SDC3: variants seen among roughly 807,000 people sequenced by gnomAD.
SDC3 encodes the protein syndecan-3.
Under a neutral mutation model 24.4 loss-of-function variants are expected in SDC3, and 13 were observed. The observed-to-expected ratio is 0.53, with a 90% CI of 0.35 to 0.85. The LOEUF is 0.85. Among genes scored for constraint, SDC3 ranks in the 40% least tolerant of loss-of-function variants. SDC3 has a pLI of 0.01. For missense variants in SDC3, 571 were observed against 584.5 expected (o/e 0.98, Z 0.24); for synonymous variants, 295 against 260.9 (o/e 1.13, Z -1.26).
At chr1:30,896,944 CAGAGTA>C (rs1638276392) in intron 1 of SDC3, among the ~76,000 whole-genome samples, 1 of 152,120 alleles carries the variant, frequency 6.6e-6, no homozygotes, top group Non-Finnish European at 1.5e-5. Flanking sequence ...ATCTGGGCAA[CAGAGTA>C]AAAGTCCATG....
At chr1:30,887,041 C>T (rs906827090) in intron 1 of SDC3, among the ~76,000 whole-genome samples, 1 of 152,160 alleles carries the variant, frequency 6.6e-6, no homozygotes, top group African/African-American at 2.4e-5. Context: ...AGAAGGCTCT[C>T]AAAAGCAGGG....
In SDC3 at chr1:30,873,340, A is replaced by C; in HGVS notation, c.1200T>G (p.Ala400=). 1 of 1,613,848 alleles carries C rather than the reference A, an allele frequency of 6.2e-7. No homozygotes were observed. The highest frequency in any genetic ancestry group is 1.1e-5 in the South Asian group (1 of 91,068). The change falls in exon 5 of 5, where the codon GCT becomes GCG. Residue 400 remains alanine, a synonymous_variant. Transcript: ENST00000339394. ...AGATGAGCAGTGTGACCAAGAAGGC[A>C]GCAAAGAGGGCGCCCACCACCCCGC... ...IVGGVVGALF[A]AFLVTLLIYR...
At chr1:30,874,074 A>G (rs1303010690) in intron 4 of SDC3, among the ~76,000 whole-genome samples, 1 of 152,172 alleles carries the variant, frequency 6.6e-6, no homozygotes. Flanking sequence ...GAAGACCTAG[A>G]GATGGACATG....
intron 1 of SDC3, among the ~76,000 whole-genome samples, chr1:30,889,089 C>T (rs979356929): frequency 7.2e-5 from 11 of 152,346 alleles, no homozygotes; most frequent in African/African-American, 2.6e-4. Flanking sequence ...TGATGCTCGA[C>T]TATGTGGCTC....
At chr1:30,894,898 T>G (rs1467781759) in intron 1 of SDC3, among the ~76,000 whole-genome samples, 2 of 151,888 alleles carry the variant, frequency 1.3e-5, no homozygotes, top group East Asian at 1.9e-4. Flanking sequence ...CATGTTAGCG[T>G]GGAGGGCTGT....
intron 1 of SDC3, among the ~76,000 whole-genome samples, chr1:30,892,712 G>A (rs1639924841): frequency 6.6e-6 from 1 of 152,202 alleles, no homozygotes. Context: ...TGTGAGCAGA[G>A]CAGTGTGCTG....
chr1:30,908,385 C>A (rs1485072566), intron 1 of SDC3, 64 bp downstream of exon 1: 18 of 949,646 alleles, frequency 1.9e-5, no homozygotes, highest in East Asian at 2.4e-4. Context: ...GGGCGGGGAC[C>A]GGCACCCCGC....
rs1557509220 is a variant in SDC3, at chr1:30,869,551, A to AC, written c.*3659_*3660insG. The AC allele has an allele frequency of 2.9e-4, 113 of 392,480 alleles. No homozygotes were observed. The highest frequency in any genetic ancestry group is 2.0e-3 in the African/African-American group (94 of 46,916). 24.3% of individuals were successfully genotyped at this position (392,480 alleles called of 1,614,324 possible). On this transcript the variant is annotated 3_prime_UTR_variant, in exon 5 of 5. Transcript: ENST00000339394. ...AACAAACAAACAAAAAAAAAAAAAA[A>AC]AAAAAAAAAACAAAAACAAAACCAG...
At chr1:30,900,438 G>A (rs1638390093) in intron 1 of SDC3, among the ~76,000 whole-genome samples, 1 of 152,232 alleles carries the variant, frequency 6.6e-6, no homozygotes, top group African/African-American at 2.4e-5. Context: ...TCCAGGCCTT[G>A]AGGAGGGGGC....
chr1:30,896,298 G>A (rs1639997608), intron 1 of SDC3, among the ~76,000 whole-genome samples: 1 of 152,220 alleles, frequency 6.6e-6, no homozygotes, highest in Non-Finnish European at 1.5e-5. Flanking sequence ...ATTAGCAGCT[G>A]CAACAATGTA....
intron 1 of SDC3, among the ~76,000 whole-genome samples, chr1:30,885,543 C>T (rs1639814957): frequency 6.6e-6 from 1 of 152,326 alleles, no homozygotes; most frequent in East Asian, 1.9e-4. Flanking sequence ...CTTCCGGGTC[C>T]CCTGGTTCTG....
At chr1:30,888,405 A>G (rs2124327342) in intron 1 of SDC3, among the ~76,000 whole-genome samples, 1 of 152,246 alleles carries the variant, frequency 6.6e-6, no homozygotes, top group South Asian at 2.1e-4. Flanking sequence ...CCAGCCCTAG[A>G]GCTCTGCTGG....
intron 2 of SDC3, 103 bp downstream of exon 2, chr1:30,878,520 C>T (rs776330304): frequency 1.1e-4 from 94 of 866,312 alleles, no homozygotes; most frequent in Non-Finnish European, 1.7e-4. Flanking sequence ...GCAGTGAATG[C>T]CCCCTGCCTC....
chr1:30,878,663 A>G lies in SDC3; in HGVS notation c.216T>C (p.Asp72=), dbSNP rs113276656. The G allele has an allele frequency of 2.0e-3, 3,241 of 1,614,170 alleles. 24 individuals carry two copies. Among genetic ancestry groups the G allele is most frequent in the Middle Eastern group, 0.02 (121 of 6,062 alleles). Residue 72 remains aspartate, a synonymous_variant, in exon 2 of 5, where the codon GAT becomes GAC. Coordinates refer to ENST00000339394, the MANE Select transcript of SDC3 (RefSeq NM_014654.4). ...CCGAGTAGAGGTCATCCAGTTCATC[A>G]TCGGGAAAGGAGTCATCATCCCCAG... ...EGSGDDDSFP[D]DELDDLYSGS...
rs1639562862 is a variant in SDC3 at position 30,872,822 on chromosome 1, C to T, written c.*389G>A. 4.7e-6 allele frequency: 1 copy of T among 214,504 alleles called. No homozygotes were observed. Among genetic ancestry groups the T allele is most frequent in the Non-Finnish European group, 9.4e-6 (1 of 106,924 alleles). The allele number at this position is 214,504 out of a possible 1,614,324, so 13.3% of individuals were successfully genotyped here. A position where few individuals can be genotyped will look rare whatever the true frequency, so the allele number is the denominator to read the frequency against. ...GGAAACCAGCCTGAGTGCCTCTCTG[C>T]CCCAAAAAGGAGATCTCAGTGAGCA... On this transcript the variant is annotated 3_prime_UTR_variant, in exon 5 of 5. Transcript: ENST00000339394.
chr1:30,888,192 A>G (rs1000318857), intron 1 of SDC3, among the ~76,000 whole-genome samples: 11 of 152,224 alleles, frequency 7.2e-5, no homozygotes, highest in Non-Finnish European at 1.5e-4. Context: ...CAGAAAGCCC[A>G]GGCGACTTGC....
At chr1:30,888,628 C>T (rs1464856761) in intron 1 of SDC3, among the ~76,000 whole-genome samples, 1 of 152,174 alleles carries the variant, frequency 6.6e-6, no homozygotes, top group South Asian at 2.1e-4. Context: ...TGTGTGTGTC[C>T]AGGCCTCTCC....
rs750648373 is a variant in SDC3, at chr1:30,874,556, G to T, written c.903C>A (p.Ile301=). ...TPTPETFLTT[I]RDEPEVPVSG... is the part of the protein sequence containing the mutation. The stretch of plus-strand genomic sequence containing the variant: ...TCACCGGAACCTCTGGCTCATCCCG[G>T]ATTGTGGTCAGGAAGGTCTCTGGAG... The change falls in exon 4 of 5, where the codon ATC becomes ATA. Residue 301 remains isoleucine (I), a synonymous_variant. Coordinates refer to ENST00000339394, the MANE Select transcript of SDC3 (RefSeq NM_014654.4). 1.2e-6 allele frequency: 2 copies of T among 1,614,142 alleles called. No individual in the cohort carries two copies. Among genetic ancestry groups the T allele is most frequent in the Non-Finnish European group, 1.7e-6 (2 of 1,179,994 alleles).
intron 3 of SDC3, among the ~76,000 whole-genome samples, chr1:30,875,383 C>T (rs754464731): frequency 1.1e-4 from 17 of 152,320 alleles, no homozygotes; most frequent in Non-Finnish European, 2.1e-4. Context: ...TTTCCCCTTC[C>T]TGCTTGGCCA....
Sources: allele counts gnomAD v4.1 joint callset (sites outside exome capture counted in the v4.1 genomes callset), GRCh38; gene constraint gnomAD v4.1.1; transcripts MANE v1.5; gene names NCBI Gene and HGNC (gene_info 2026-07-23, HGNC 2026-07-21).